ATP2A2: variants seen among roughly 807,000 people sequenced by gnomAD.
The protein encoded by ATP2A2 is sarcoplasmic/endoplasmic reticulum calcium ATPase 2.
ATP2A2 carries 14 observed loss-of-function variants against 109.3 expected under a neutral mutation model. That is an observed-to-expected ratio of 0.13 (90% CI 0.08 to 0.20). The LOEUF is 0.20. ATP2A2 is among the 10% of genes least tolerant of loss of function. The probability of loss-of-function intolerance (pLI) is 1.00; values close to 1 mark genes in which losing one functional copy is unlikely to be tolerated. For missense variants in ATP2A2, 657 were observed against 1,321.6 expected, an observed-to-expected ratio of 0.50 and a Z score of 7.80; for synonymous variants, 506 against 490.9, an observed-to-expected ratio of 1.03 and a Z score of -0.41.
At chr12:110,297,778 C>T (rs1284416556) in intron 5 of ATP2A2, among the ~76,000 whole-genome samples, 3 of 151,990 alleles carry the variant, frequency 2.0e-5, no homozygotes, top group Non-Finnish European at 4.4e-5. Flanking sequence ...CCACTACACT[C>T]GCCTAATTTT....
intron 5 of ATP2A2, among the ~76,000 whole-genome samples, chr12:110,319,759 G>C (rs1180998949): frequency 6.6e-6 from 1 of 151,248 alleles, no homozygotes. Context: ...ATTAGTGTTA[G>C]GTAGGACCAT....
At chr12:110,326,290 C>T in intron 6 of ATP2A2, 100 bp from the exon 7 acceptor site, 1 of 1,111,060 alleles carries the variant, frequency 9.0e-7, no homozygotes, top group East Asian at 2.5e-5. Context: ...CTCACACTAA[C>T]AGTATCCCAA....
intron 5 of ATP2A2, among the ~76,000 whole-genome samples, chr12:110,312,009 T>A (rs1175456963): frequency 6.6e-6 from 1 of 152,024 alleles, no homozygotes; most frequent in Non-Finnish European, 1.5e-5. Flanking sequence ...ACCCCGTCTC[T>A]AAAAAAATAA....
At chr12:110,308,447 A>G (rs1051847997) in intron 5 of ATP2A2, among the ~76,000 whole-genome samples, 2 of 152,138 alleles carry the variant, frequency 1.3e-5, no homozygotes, top group Non-Finnish European at 2.9e-5. Flanking sequence ...GGTGTTTGTA[A>G]ACTTATATGC....
At chr12:110,286,410 AGGG>A (rs1872667039) in intron 3 of ATP2A2, among the ~76,000 whole-genome samples, 1 of 152,210 alleles carries the variant, frequency 6.6e-6, no homozygotes, top group African/African-American at 2.4e-5. Flanking sequence ...TGGGATAAGA[AGGG>A]CAAATTACTG....
At chr12:110,315,467 T>A (rs898052631) in intron 5 of ATP2A2, among the ~76,000 whole-genome samples, 14 of 152,316 alleles carry the variant, frequency 9.2e-5, no homozygotes, top group Admixed American at 5.9e-4. Flanking sequence ...TTAGCTTTTT[T>A]AATTTGGAGC....
At chr12:110,333,064 A>G in intron 9 of ATP2A2, 117 bp from the exon 10 acceptor site, 5 of 924,366 alleles carry the variant, frequency 5.4e-6, no homozygotes, top group African/African-American at 1.6e-5. Context: ...AATTTTTTCC[A>G]GTATGTTGTC....
chr12:110,299,613 A>G (rs1874334319), intron 5 of ATP2A2, among the ~76,000 whole-genome samples: 1 of 152,128 alleles, frequency 6.6e-6, no homozygotes, highest in Admixed American at 6.5e-5. Context: ...GTTACAAAAC[A>G]GCAGATTTGT....
At chr12:110,287,168 G>A (rs1180757025) in intron 3 of ATP2A2, among the ~76,000 whole-genome samples, 2 of 152,070 alleles carry the variant, frequency 1.3e-5, no homozygotes, top group African/African-American at 4.8e-5. Context: ...CAGGAGAATC[G>A]CTTGAACCCG....
intron 5 of ATP2A2, among the ~76,000 whole-genome samples, chr12:110,299,328 G>A (rs1213707209): frequency 1.3e-5 from 2 of 152,092 alleles, no homozygotes; most frequent in African/African-American, 4.8e-5. Flanking sequence ...TGGTGATGAA[G>A]AAAATAGGTC....
At chr12:110,332,785 T>A in intron 9 of ATP2A2, 100 bp downstream of exon 9, 1 of 1,095,834 alleles carries the variant, frequency 9.1e-7, no homozygotes, top group Non-Finnish European at 1.4e-6. Context: ...TTTCTGAATG[T>A]GGCTCAAGTC....
intron 6 of ATP2A2, among the ~76,000 whole-genome samples, chr12:110,324,231 T>C (rs928544230): frequency 6.6e-6 from 1 of 152,212 alleles, no homozygotes; most frequent in African/African-American, 2.4e-5. Context: ...GCTAATGTCA[T>C]GGAGACAGTT....
Position 110,281,634 on chromosome 12 carries a change from T to G in ATP2A2, c.-156T>G. On this transcript the variant is annotated 5_prime_UTR_variant, in exon 1 of 20. The change creates a new upstream start codon in the 5' untranslated region. Coordinates refer to ENST00000539276, the MANE Select transcript of ATP2A2 (RefSeq NM_170665.4). ...TCTGGGGGAGGGGGCGCGGGGTGAT[T>G]CAGCGCCCGGCGAGGCGGAAGCGGC... The G allele has an allele frequency of 2.3e-6, 1 of 431,706 alleles. No homozygotes were observed. The highest frequency in any genetic ancestry group is 4.8e-5 in the Admixed American group (1 of 21,044). The allele number at this position is 431,706 out of a possible 1,614,324, so 26.7% of individuals were successfully genotyped here.
intron 5 of ATP2A2, among the ~76,000 whole-genome samples, chr12:110,321,804 A>G (rs1344833210): frequency 1.3e-5 from 2 of 152,154 alleles, no homozygotes; most frequent in South Asian, 2.1e-4. Context: ...ACTATTCTCA[A>G]GGTGCATGGC....
chr12:110,333,997 C>T lies in ATP2A2; in HGVS notation c.1288-15C>T. On this transcript the variant is annotated splice_polypyrimidine_tract_variant and intron_variant, in intron 10 of 19. Transcript: ENST00000539276. The stretch of plus-strand genomic sequence containing the variant: ...TCTCCCTTTTTTCTACTTTCTGTGC[C>T]TTTAACCAATACAGGCAAAGGGTGT... 1 of 1,614,012 alleles carries T rather than the reference C, an allele frequency of 6.2e-7. No individual in the cohort carries two copies. Among genetic ancestry groups the T allele is most frequent in the African/African-American group, 1.3e-5 (1 of 75,010 alleles).
intron 3 of ATP2A2, among the ~76,000 whole-genome samples, chr12:110,288,010 GCTCACTGCAGCCT>G (rs750807233): frequency 2.0e-5 from 3 of 151,674 alleles, no homozygotes; most frequent in Non-Finnish European, 4.4e-5. Context: ...TGCGATTATA[GCTCACTGCAGCCT>G]CAGACACCTG....
At chr12:110,290,472 C>T (rs1873143736) in intron 3 of ATP2A2, among the ~76,000 whole-genome samples, 1 of 152,142 alleles carries the variant, frequency 6.6e-6, no homozygotes, top group Non-Finnish European at 1.5e-5. Context: ...TCACCTTTTA[C>T]TTTAATCAAG....
chr12:110,322,924 A>T, intron 5 of ATP2A2, 68 bp from the exon 6 acceptor site: 1 of 1,134,560 alleles, frequency 8.8e-7, no homozygotes, highest in Admixed American at 1.7e-5. Flanking sequence ...TTTGGAGACA[A>T]ATTCATCTTT....
chr12:110,292,284 T>C (rs1309296171), intron 4 of ATP2A2, among the ~76,000 whole-genome samples, 160 bp downstream of exon 4: 1 of 152,156 alleles, frequency 6.6e-6, no homozygotes, highest in Non-Finnish European at 1.5e-5. Context: ...TTAATTGTTT[T>C]CTGACACAGT....
Sources: allele counts gnomAD v4.1 joint callset (sites outside exome capture counted in the v4.1 genomes callset), GRCh38; gene constraint gnomAD v4.1.1; transcripts MANE v1.5; gene names NCBI Gene and HGNC (gene_info 2026-07-23, HGNC 2026-07-21).